Variants in GABRR3 observed in about 807,000 individuals in gnomAD.
GABRR3 encodes gamma-aminobutyric acid receptor subunit rho-3.
In GABRR3, 29 loss-of-function variants were observed where a neutral mutation model predicts 43.2. That is an observed-to-expected ratio of 0.67 (90% CI 0.50 to 0.92). The LOEUF (loss-of-function observed/expected upper bound fraction) is 0.92. GABRR3 is among the 40% of genes least tolerant of loss of function. The pLI is 0.00. For synonymous variants in GABRR3, 206 were observed against 195.9 expected (o/e 1.05, Z -0.43); for missense variants, 576 against 572.3 (o/e 1.01, Z -0.07).
At chr3:98,034,680 T>C in intron 2 of GABRR3, 183 bp downstream of exon 2, 1 of 252,832 alleles carries the variant, frequency 4.0e-6, no homozygotes, top group Non-Finnish European at 6.2e-6. Flanking sequence ...TTCCAAGATA[T>C]TGCTCTTTCG....
chr3:98,023,637 G>C (rs1235352986), intron 3 of GABRR3, among the ~76,000 whole-genome samples: 1 of 151,628 alleles, frequency 6.6e-6, no homozygotes, highest in Admixed American at 6.6e-5. Flanking sequence ...ATACATAAGA[G>C]AAGTAGTGAA....
At chr3:98,018,209 C>T (rs1320743673) in intron 3 of GABRR3, among the ~76,000 whole-genome samples, 2 of 152,070 alleles carry the variant, frequency 1.3e-5, no homozygotes, top group Non-Finnish European at 2.9e-5. Flanking sequence ...TCAAAAATAT[C>T]AGCCTTTTCC....
intron 5 of GABRR3, among the ~76,000 whole-genome samples, chr3:98,011,639 A>T (rs1247568326): frequency 6.6e-6 from 1 of 152,132 alleles, no homozygotes; most frequent in Non-Finnish European, 1.5e-5. Context: ...ATATATGATA[A>T]GCTTCACAGG....
intron 5 of GABRR3, 99 bp downstream of exon 5, chr3:98,012,245 A>C: frequency 1.2e-6 from 1 of 823,300 alleles, no homozygotes; most frequent in Admixed American, 2.5e-5. Context: ...CATTAAACAG[A>C]CAGCAACATT....
At chr3:97,998,075 GTA>G (rs1706586355) in intron 8 of GABRR3, 2 of 151,248 alleles carry the variant, frequency 1.3e-5, no homozygotes, top group South Asian at 4.2e-4. Flanking sequence ...ATTAAAAATA[GTA>G]AAAAAAAAAC....
chr3:97,992,783 G>C (rs750517971), intron 9 of GABRR3, 69 bp downstream of exon 9: 652 of 1,385,626 alleles, frequency 4.7e-4, no homozygotes, highest in South Asian at 1.1e-3. Flanking sequence ...ACTGTCAAGA[G>C]AGGGCAATAG....
intron 6 of GABRR3, 105 bp from the exon 7 acceptor site, chr3:98,008,009 A>AATGACATG: frequency 1.2e-6 from 1 of 859,388 alleles, no homozygotes; most frequent in Non-Finnish European, 1.7e-6. Context: ...TGCCTACTCC[A>AATGACATG]ATGACATGTA....
intron 5 of GABRR3, among the ~76,000 whole-genome samples, chr3:98,009,643 C>T (rs1013986410): frequency 6.6e-6 from 1 of 152,272 alleles, no homozygotes; most frequent in African/African-American, 2.4e-5. Flanking sequence ...ATTTTCCTGG[C>T]TTCAGGCAGA....
intron 9 of GABRR3, among the ~76,000 whole-genome samples, chr3:97,989,017 G>A (rs1706426230): frequency 6.6e-6 from 1 of 150,506 alleles, no homozygotes; most frequent in Non-Finnish European, 1.5e-5. Flanking sequence ...GTGCATGGTG[G>A]TGCGGGTATA....
intron 8 of GABRR3, among the ~76,000 whole-genome samples, chr3:97,997,168 G>A (rs372180887): frequency 1.3e-5 from 2 of 152,202 alleles, no homozygotes; most frequent in Non-Finnish European, 2.9e-5. Context: ...AATGCCACGT[G>A]TTCAAAGATG....
At chr3:98,018,066 G>GT (rs1706895110) in intron 3 of GABRR3, among the ~76,000 whole-genome samples, 6 of 148,702 alleles carry the variant, frequency 4.0e-5, no homozygotes, top group African/African-American at 1.5e-4. Context: ...AAGGAAAAGT[G>GT]TTTTGAAAAC....
intron 2 of GABRR3, among the ~76,000 whole-genome samples, chr3:98,026,083 C>T (rs977055634): frequency 6.6e-6 from 1 of 152,162 alleles, no homozygotes; most frequent in Admixed American, 6.5e-5. Context: ...AACAAGCTAC[C>T]TAGGTGATCC....
At chr3:97,992,422 G>A (rs1374235386) in intron 9 of GABRR3, among the ~76,000 whole-genome samples, 2 of 152,090 alleles carry the variant, frequency 1.3e-5, no homozygotes, top group African/African-American at 4.8e-5. Flanking sequence ...TGTTAAATGA[G>A]GGCGATAAAA....
chr3:98,005,860 A>G (rs1014856531), intron 7 of GABRR3, among the ~76,000 whole-genome samples: 2 of 152,168 alleles, frequency 1.3e-5, no homozygotes, highest in Admixed American at 6.5e-5. Context: ...TCTATGCTTC[A>G]TATATATTAC....
intron 3 of GABRR3, among the ~76,000 whole-genome samples, chr3:98,019,003 G>A (rs930397629): frequency 4.0e-5 from 6 of 151,892 alleles, no homozygotes; most frequent in South Asian, 2.1e-4. Context: ...CCAGCTACTC[G>A]GAAGACTGAC....
At chr3:98,003,786 T>C (rs1266578329) in intron 7 of GABRR3, among the ~76,000 whole-genome samples, 1 of 152,094 alleles carries the variant, frequency 6.6e-6, no homozygotes, top group Non-Finnish European at 1.5e-5. Context: ...CTGCACCCCC[T>C]AGCTACCATA....
At chr3:97,999,386 G>A (rs1021222917) in intron 8 of GABRR3, 1 of 152,094 alleles carries the variant, frequency 6.6e-6, no homozygotes, top group Non-Finnish European at 1.5e-5. Flanking sequence ...TGAAGTCTGG[G>A]TTCCCAAGGA....
intron 5 of GABRR3, among the ~76,000 whole-genome samples, chr3:98,010,257 C>A (rs1397087261): frequency 6.6e-6 from 1 of 152,156 alleles, no homozygotes; most frequent in Non-Finnish European, 1.5e-5. Flanking sequence ...CAGGAGAGAC[C>A]AGGAACACAT....
At chr3:98,026,421 G>A (rs572769175) in intron 2 of GABRR3, among the ~76,000 whole-genome samples, 151 of 152,260 alleles carry the variant, frequency 9.9e-4, no homozygotes, top group African/African-American at 3.4e-3. Flanking sequence ...CCCTGTGTCG[G>A]TGAGCTTGAG....
Sources: gnomAD v4.1 joint callset for allele counts (sites outside exome capture counted in the v4.1 genomes callset) on GRCh38, gnomAD v4.1.1 for gene constraint, MANE v1.5 for transcripts, NCBI Gene and HGNC (gene_info 2026-07-23, HGNC 2026-07-21) for gene names.